Variants in SNTG2 observed in about 807,000 individuals in gnomAD.
The protein encoded by SNTG2 is gamma-2-syntrophin.
A neutral mutation model predicts 70.9 loss-of-function variants in SNTG2; 74 were observed. That is an observed-to-expected ratio of 1.04 (90% CI 0.86 to 1.27). The LOEUF is 1.27. SNTG2 is among the 50% of genes most tolerant of loss of function. SNTG2 has a pLI of 0.00. For missense variants in SNTG2, 717 were observed against 690.7 expected, an observed-to-expected ratio of 1.04 and a Z score of -0.43; for synonymous variants, 278 against 273.8, an observed-to-expected ratio of 1.02 and a Z score of -0.15.
chr2:1,128,729 G>A (rs1254638394), intron 4 of SNTG2, among the ~76,000 whole-genome samples: 1 of 151,784 alleles, frequency 6.6e-6, no homozygotes, highest in African/African-American at 2.4e-5. Flanking sequence ...CTTCTGCTTG[G>A]TGTTTTCTTG....
intron 14 of SNTG2, among the ~76,000 whole-genome samples, chr2:1,307,173 G>A (rs759143033): frequency 6.6e-6 from 1 of 150,744 alleles, no homozygotes. Flanking sequence ...GTGTGTGTGT[G>A]TGTGGTGTGT....
intron 4 of SNTG2, among the ~76,000 whole-genome samples, chr2:1,114,079 A>T (rs547579942): frequency 0.018 from 1,699 of 92,532 alleles, 30 homozygotes; most frequent in African/African-American, 0.062. Context: ...GAGGAGAATC[A>T]TGTGTACTAA....
intron 12 of SNTG2, among the ~76,000 whole-genome samples, chr2:1,254,136 A>C (rs1391308979): frequency 6.6e-6 from 1 of 152,204 alleles, no homozygotes; most frequent in Non-Finnish European, 1.5e-5. Flanking sequence ...ACCGTATCAG[A>C]AGGGAAATGG....
chr2:1,316,355 A>T lies in SNTG2; in HGVS notation c.1468A>T (p.Thr490Ser). The T allele has an allele frequency of 6.5e-7, 1 of 1,540,856 alleles. No homozygotes were observed. The highest frequency in any genetic ancestry group is 1.2e-5 in the South Asian group (1 of 83,660). ...RVKLLFQNLDTKQIETKELEF... is the reference protein window; with the variant it reads ...RVKLLFQNLDSKQIETKELEF... ...AAAGCTGCTGTTTCAGAATCTGGACACCAAACAGATTGAGACGAAGGTATG... is the reference window on the plus strand; with the variant it reads ...AAAGCTGCTGTTTCAGAATCTGGACTCCAAACAGATTGAGACGAAGGTATG... The change falls in exon 16 of 17, where the codon ACC (threonine) becomes TCC (serine). Residue 490 changes from threonine to serine, a missense_variant. By Grantham distance (58) the Thr-to-Ser change is moderately conservative. Coordinates refer to ENST00000308624, the MANE Select transcript of SNTG2 (RefSeq NM_018968.4).
intron 16 of SNTG2, among the ~76,000 whole-genome samples, chr2:1,320,141 T>A (rs1302030313): frequency 1.3e-5 from 2 of 152,178 alleles, no homozygotes; most frequent in Non-Finnish European, 2.9e-5. Flanking sequence ...TAGTAATTAG[T>A]GCATGATGGG....
At chr2:1,153,294 A>G (rs1669642261) in intron 6 of SNTG2, among the ~76,000 whole-genome samples, 1 of 152,218 alleles carries the variant, frequency 6.6e-6, no homozygotes, top group African/African-American at 2.4e-5. Context: ...GTTTTAGGGT[A>G]CATGTGCACA....
At chr2:1,171,911 T>C (rs1671150536) in intron 7 of SNTG2, among the ~76,000 whole-genome samples, 1 of 152,180 alleles carries the variant, frequency 6.6e-6, no homozygotes, top group Non-Finnish European at 1.5e-5. Flanking sequence ...CCATATCGCA[T>C]TCCTGTCTGC....
chr2:1,295,040 G>C (rs1199320311), intron 14 of SNTG2, among the ~76,000 whole-genome samples: 1 of 152,228 alleles, frequency 6.6e-6, no homozygotes, highest in Non-Finnish European at 1.5e-5. Context: ...GAAGGATCCA[G>C]CTCTGCCCTG....
At chr2:1,142,801 G>A (rs1463825313) in intron 6 of SNTG2, among the ~76,000 whole-genome samples, 1 of 152,106 alleles carries the variant, frequency 6.6e-6, no homozygotes. Context: ...AATACATTTG[G>A]TCTAATCCAA....
chr2:1,366,664 G>A (rs1163360922), intron 16 of SNTG2, among the ~76,000 whole-genome samples: 1 of 152,146 alleles, frequency 6.6e-6, no homozygotes, highest in African/African-American at 2.4e-5. Context: ...GCCCCTCCTC[G>A]CTTCCCGCCG....
intron 4 of SNTG2, among the ~76,000 whole-genome samples, chr2:1,130,647 C>T (rs1667958772): frequency 6.6e-6 from 1 of 152,164 alleles, no homozygotes; most frequent in Admixed American, 6.5e-5. Context: ...AAGAATGTTC[C>T]AGGTCCACAT....
At chr2:1,235,980 T>C (rs562802607) in intron 9 of SNTG2, among the ~76,000 whole-genome samples, 1 of 152,256 alleles carries the variant, frequency 6.6e-6, no homozygotes, top group Admixed American at 6.5e-5. Context: ...CAATGTAAAA[T>C]ATGCCTAAAA....
chr2:1,027,005 C>A (rs1660514342), intron 1 of SNTG2, among the ~76,000 whole-genome samples: 1 of 152,190 alleles, frequency 6.6e-6, no homozygotes, highest in Non-Finnish European at 1.5e-5. Flanking sequence ...CTCCATCGTG[C>A]TACCCTTGCT....
chr2:1,047,193 T>G (rs1661787946), intron 1 of SNTG2, among the ~76,000 whole-genome samples: 1 of 152,224 alleles, frequency 6.6e-6, no homozygotes, highest in Admixed American at 6.5e-5. Flanking sequence ...TTTTCAGCTC[T>G]ATCAGATCAG....
intron 6 of SNTG2, among the ~76,000 whole-genome samples, chr2:1,154,149 G>A (rs1032133368): frequency 6.6e-6 from 1 of 152,184 alleles, no homozygotes; most frequent in Admixed American, 6.5e-5. Context: ...TGGGAGCACA[G>A]GGAAAGGGCG....
chr2:1,196,205 A>G (rs540931762), intron 8 of SNTG2, among the ~76,000 whole-genome samples: 1 of 152,290 alleles, frequency 6.6e-6, no homozygotes, highest in Admixed American at 6.5e-5. Flanking sequence ...AAATCTTAGA[A>G]CTCAATAACT....
chr2:964,904 G>A (rs1193689809), intron 1 of SNTG2, among the ~76,000 whole-genome samples: 2 of 152,122 alleles, frequency 1.3e-5, no homozygotes, highest in Non-Finnish European at 2.9e-5. Flanking sequence ...GGGAGAATGG[G>A]TGGCAGCCCC....
chr2:1,008,478 TA>T (rs1659635531), intron 1 of SNTG2, among the ~76,000 whole-genome samples: 3 of 152,196 alleles, frequency 2.0e-5, no homozygotes, highest in Admixed American at 2.0e-4. Context: ...AATCATCACA[TA>T]CCAGTATTTG....
At chr2:1,051,214 C>G (rs1279251140) in intron 1 of SNTG2, among the ~76,000 whole-genome samples, 1 of 149,080 alleles carries the variant, frequency 6.7e-6, no homozygotes, top group Non-Finnish European at 1.5e-5. Flanking sequence ...TCCTCCCTTC[C>G]TTCCTGTTTG....
Sources: gnomAD v4.1 joint callset for allele counts (sites outside exome capture counted in the v4.1 genomes callset) on GRCh38, gnomAD v4.1.1 for gene constraint, MANE v1.5 for transcripts, NCBI Gene and HGNC (gene_info 2026-07-23, HGNC 2026-07-21) for gene names.